FBXL20: variants seen among roughly 807,000 people sequenced by gnomAD.
The protein encoded by FBXL20 is F-box/LRR-repeat protein 20.
A neutral mutation model predicts 64.0 loss-of-function variants in FBXL20; 11 were observed. The observed-to-expected ratio is 0.17, with a 90% CI of 0.11 to 0.28. FBXL20 has a LOEUF of 0.28. Among genes scored for constraint, FBXL20 ranks in the 10% least tolerant of loss-of-function variants. The pLI, the probability that FBXL20 is intolerant of heterozygous loss-of-function variation, is 1.00. For synonymous variants in FBXL20, 184 were observed against 189.0 expected (o/e 0.97, Z 0.22); for missense variants, 303 against 526.2 (o/e 0.58, Z 4.15).
At position 39,352,498 on chromosome 17, in the gene FBXL20, G is replaced by A. The variant is rs1364094407; in HGVS notation, c.43-9257C>T. Among the ~76,000 whole-genome samples, 3 of 151,944 alleles carry A rather than the reference G, an allele frequency of 2.0e-5. No homozygotes were observed. In the East Asian group the frequency reaches 5.8e-4, roughly 29 times the overall value. On this transcript the variant is annotated intron_variant, in intron 1 of 14. Transcript: ENST00000264658. ...AGGAGTTGACCAGACTGGCCAACAT[G>A]GTGAAACCCCATCTCTACTAAAAAA...
At chr17:39,300,902 C>T (rs920062696) in intron 4 of FBXL20, 99 bp downstream of exon 4, 3 of 1,130,230 alleles carry the variant, frequency 2.7e-6, no homozygotes, top group East Asian at 2.5e-5. Flanking sequence ...ATAATAGTTC[C>T]TCTCTTTAAC....
intron 6 of FBXL20, among the ~76,000 whole-genome samples, chr17:39,293,815 A>T (rs1489258098): frequency 6.9e-6 from 1 of 145,956 alleles, no homozygotes; most frequent in Non-Finnish European, 1.5e-5. Flanking sequence ...ATCTACATAA[A>T]TTTCTGTAGC....
intron 14 of FBXL20, 53 bp downstream of exon 14, chr17:39,264,122 G>C: frequency 1.3e-6 from 2 of 1,539,020 alleles, no homozygotes; most frequent in Non-Finnish European, 1.8e-6. Flanking sequence ...AAAAAAAAGA[G>C]AGAAGAAAGT....
chr17:39,334,965 A>T (rs2047506156), intron 2 of FBXL20, among the ~76,000 whole-genome samples: 1 of 152,180 alleles, frequency 6.6e-6, no homozygotes, highest in Non-Finnish European at 1.5e-5. Context: ...GCAAAAACTC[A>T]GTTGTATGTA....
intron 1 of FBXL20, among the ~76,000 whole-genome samples, chr17:39,363,827 C>CAAAAAAAAAAAAAAAAAAAAAAAAA (rs1555612706): frequency 1.3e-5 from 1 of 78,028 alleles, no homozygotes; most frequent in Admixed American, 1.7e-4. Flanking sequence ...AAAAAAAAAA[C>CAAAAAAAAAAAAAAAAAAAAAAAAA]AAAAAACAAA....
chr17:39,301,714 C>T (rs191718926), intron 3 of FBXL20, among the ~76,000 whole-genome samples: 64 of 150,186 alleles, frequency 4.3e-4, no homozygotes, highest in African/African-American at 1.5e-3. Context: ...GGCGACAGAG[C>T]GAAACTTCAT....
In FBXL20 at chr17:39,259,673, A is replaced by G. The variant is rs1006400612; in HGVS notation, c.*1787T>C. On this transcript the variant is annotated 3_prime_UTR_variant, in exon 15 of 15. Coordinates refer to ENST00000264658, the MANE Select transcript of FBXL20 (RefSeq NM_032875.3). ...CTGCCTCAATGCTTCACCTGGCTACATTCATACTTCATTCAGAAGTCTGAA... is the reference window on the plus strand; with the variant it reads ...CTGCCTCAATGCTTCACCTGGCTACGTTCATACTTCATTCAGAAGTCTGAA... The G allele has an allele frequency of 6.6e-6, 1 of 151,976 alleles. No homozygotes were observed. Among genetic ancestry groups the G allele is most frequent in the Non-Finnish European group, 1.5e-5 (1 of 68,008 alleles). 9.4% of individuals were successfully genotyped at this position (151,976 alleles called of 1,614,324 possible). A position where few individuals can be genotyped will look rare whatever the true frequency, so the allele number is the denominator to read the frequency against.
In FBXL20 at chr17:39,252,736, C is replaced by T. The variant is rs923705558; in HGVS notation, c.*8724G>A. 1.4e-5 allele frequency: 2 copies of T among 147,468 alleles called. No homozygotes were observed. The highest frequency in any genetic ancestry group is 3.0e-5 in the Non-Finnish European group (2 of 66,982). The allele number at this position is 147,468 out of a possible 1,614,324, so 9.1% of individuals were successfully genotyped here. On this transcript the variant is annotated 3_prime_UTR_variant, in exon 15 of 15. Transcript: ENST00000264658. ...ACAAGAAACAATAATAGTTACATAA[C>T]AATTTACTTTATATATTTATATATA...
At chr17:39,268,428 A>G (rs1416866868) in intron 12 of FBXL20, among the ~76,000 whole-genome samples, 2 of 152,214 alleles carry the variant, frequency 1.3e-5, no homozygotes, top group Non-Finnish European at 2.9e-5. Context: ...GCAGAGTTCC[A>G]TGCAGAGTCA....
At chr17:39,386,447 C>T (rs759517148) in intron 1 of FBXL20, among the ~76,000 whole-genome samples, 2 of 151,978 alleles carry the variant, frequency 1.3e-5, no homozygotes, top group Non-Finnish European at 2.9e-5. Flanking sequence ...CTGAGCAACA[C>T]AGTGAGTCTC....
At chr17:39,369,475 C>G (rs959764692) in intron 1 of FBXL20, among the ~76,000 whole-genome samples, 1 of 151,764 alleles carries the variant, frequency 6.6e-6, no homozygotes. Context: ...AGGCTGGTCT[C>G]GAACTCCTGA....
At chr17:39,344,126 T>G (rs1476290786) in intron 1 of FBXL20, among the ~76,000 whole-genome samples, 1 of 152,114 alleles carries the variant, frequency 6.6e-6, no homozygotes, top group Non-Finnish European at 1.5e-5. Flanking sequence ...CCTCCCAAAG[T>G]GCTGGGATTG....
At chr17:39,348,351 C>T (rs1241318888) in intron 1 of FBXL20, among the ~76,000 whole-genome samples, 1 of 152,072 alleles carries the variant, frequency 6.6e-6, no homozygotes, top group Non-Finnish European at 1.5e-5. Context: ...GTTCCAGCTA[C>T]TTGGGAGGCT....
At chr17:39,379,483 ACC>A (rs1567903500) in intron 1 of FBXL20, among the ~76,000 whole-genome samples, 1 of 142,606 alleles carries the variant, frequency 7.0e-6, no homozygotes, top group African/African-American at 2.8e-5. Context: ...CCCATCCCTT[ACC>A]AAAAAAAAAA....
At chr17:39,392,768 T>C (rs1483689159) in intron 1 of FBXL20, among the ~76,000 whole-genome samples, 1 of 152,048 alleles carries the variant, frequency 6.6e-6, no homozygotes. Context: ...ATCCCAGCAC[T>C]TTGGGAGGCC....
rs1276703770 is a variant in FBXL20 at position 39,357,536 on chromosome 17, C to T, written c.43-14295G>A. Among the ~76,000 whole-genome samples, 3 of 151,996 alleles carry T rather than the reference C, an allele frequency of 2.0e-5. No homozygotes were observed. The East Asian group carries it at 5.8e-4, about 29-fold the overall frequency. On this transcript the variant is annotated intron_variant, in intron 1 of 14. Coordinates refer to ENST00000264658, the MANE Select transcript of FBXL20 (RefSeq NM_032875.3). Reference sequence around the variant, plus strand: ...GTATCTTAAACAGTTTTATAATTATCATCTTACGCGAAACCCCCTTTATTT... The same window carrying T: ...GTATCTTAAACAGTTTTATAATTATTATCTTACGCGAAACCCCCTTTATTT...
intron 2 of FBXL20, among the ~76,000 whole-genome samples, chr17:39,319,191 G>GTAGGAGTA (rs2047325726): frequency 6.6e-6 from 1 of 152,012 alleles, no homozygotes; most frequent in African/African-American, 2.4e-5. Flanking sequence ...GGAGGTTGCA[G>GTAGGAGTA]CGAGTTGAGA....
rs2047096577 is a variant in FBXL20 at position 39,297,456 on chromosome 17, C to CA, written c.330-262dup. The CA allele has an allele frequency of 1.3e-5, 3 of 232,824 alleles. No individual in the cohort carries two copies. The Admixed American group carries it at 1.6e-4, about 12-fold the overall frequency. 14.4% of individuals were successfully genotyped at this position (232,824 alleles called of 1,614,324 possible). A position where few individuals can be genotyped will look rare whatever the true frequency, so the allele number is the denominator to read the frequency against. ...CGGTTTTTGCCATTACTGCTCATGG[C>CA]AAAAACTGTGATTACTTTTGCACCA... On this transcript the variant is annotated intron_variant, in intron 5 of 14. Coordinates refer to ENST00000264658, the MANE Select transcript of FBXL20 (RefSeq NM_032875.3).
rs1423769670 is a variant in FBXL20, at chr17:39,257,591, A to C, written c.*3869T>G. The C allele has an allele frequency of 1.3e-5, 2 of 152,266 alleles. No homozygotes were observed. Among genetic ancestry groups the C allele is most frequent in the Non-Finnish European group, 2.9e-5 (2 of 68,048 alleles). 9.4% of individuals were successfully genotyped at this position (152,266 alleles called of 1,614,324 possible). On this transcript the variant is annotated 3_prime_UTR_variant, in exon 15 of 15. Coordinates refer to ENST00000264658, the MANE Select transcript of FBXL20 (RefSeq NM_032875.3). ...AAATATTGGAAAAAGGGCTAAGGCC[A>C]TATCCCTTTCTTCCTCATATCCAAC...
Sources: gnomAD v4.1 joint callset for allele counts (sites outside exome capture counted in the v4.1 genomes callset) on GRCh38, gnomAD v4.1.1 for gene constraint, MANE v1.5 for transcripts, NCBI Gene and HGNC (gene_info 2026-07-23, HGNC 2026-07-21) for gene names.